CHIC2: variants seen among roughly 807,000 people sequenced by gnomAD.
The protein encoded by CHIC2 is cysteine-rich hydrophobic domain-containing protein 2.
CHIC2 carries 14 observed loss-of-function variants against 25.9 expected under a neutral mutation model. The observed-to-expected ratio is 0.54, with a 90% CI of 0.36 to 0.85. The LOEUF (loss-of-function observed/expected upper bound fraction) is 0.85, where lower values mean the gene tolerates loss of function less well. CHIC2 is among the 40% of genes least tolerant of loss of function. The pLI is 0.01. For missense variants in CHIC2, 146 were observed against 202.0 expected (o/e 0.72, Z 1.68); for synonymous variants, 70 against 72.0 (o/e 0.97, Z 0.14).
the CHIC2 span, among the ~76,000 whole-genome samples, chr4:54,074,251 T>A: frequency 6.6e-6 from 1 of 152,194 alleles, no homozygotes; most frequent in Non-Finnish European, 1.5e-5. Flanking sequence ...CTCTGTTAAG[T>A]GCCATACTTA....
At chr4:54,035,062 C>CAA (rs1489677698) in intron 3 of CHIC2, among the ~76,000 whole-genome samples, 2 of 152,106 alleles carry the variant, frequency 1.3e-5, no homozygotes, top group Non-Finnish European at 2.9e-5. Context: ...TTAAACCAAC[C>CAA]TTACTTACCT....
intron 3 of CHIC2, among the ~76,000 whole-genome samples, chr4:54,045,305 C>G (rs1040833741): frequency 1.3e-5 from 2 of 152,104 alleles, no homozygotes; most frequent in African/African-American, 4.8e-5. Flanking sequence ...TTTATGAGGC[C>G]AGCATCATCC....
chr4:54,020,469 CAA>C (rs780058607), intron 3 of CHIC2, among the ~76,000 whole-genome samples: 3 of 152,192 alleles, frequency 2.0e-5, no homozygotes, highest in Non-Finnish European at 2.9e-5. Flanking sequence ...CTTGCTCACA[CAA>C]AGTTTGTTTG....
intron 3 of CHIC2, among the ~76,000 whole-genome samples, chr4:54,035,344 C>T (rs911229580): frequency 6.6e-6 from 1 of 152,122 alleles, no homozygotes; most frequent in Non-Finnish European, 1.5e-5. Flanking sequence ...TGTAAGAATA[C>T]ACCAGTAAAG....
chr4:54,023,453 G>A (rs11935512), intron 3 of CHIC2, among the ~76,000 whole-genome samples: 59,820 of 151,688 alleles, frequency 0.39, 12,838 homozygotes, highest in African/African-American at 0.56. Flanking sequence ...TCACTCTTTG[G>A]GTCTCCCACA....
chr4:54,072,251 G>A, the CHIC2 span, among the ~76,000 whole-genome samples: 32 of 151,508 alleles, frequency 2.1e-4, no homozygotes, highest in African/African-American at 6.5e-4. Flanking sequence ...GCAGTGAGCC[G>A]AGATTGCGCC....
chr4:54,069,641 G>T, the CHIC2 span, among the ~76,000 whole-genome samples: 1 of 152,182 alleles, frequency 6.6e-6, no homozygotes, highest in East Asian at 1.9e-4. Context: ...AGCTAACTAG[G>T]AGCTGCCAGC....
intron 1 of CHIC2, among the ~76,000 whole-genome samples, chr4:54,058,561 C>CACACACACACACACACAT (rs1717244534): frequency 1.4e-5 from 1 of 70,662 alleles, no homozygotes. Context: ...CACACACATA[C>CACACACACACACACACAT]ACACACACAC....
intron 3 of CHIC2, among the ~76,000 whole-genome samples, chr4:54,041,352 T>C (rs1716572410): frequency 6.6e-6 from 1 of 152,138 alleles, no homozygotes; most frequent in African/African-American, 2.4e-5. Context: ...CAATTTTTTA[T>C]ACTCATGCCT....
rs147222017 is a variant in CHIC2, at chr4:54,050,758, G to A, written c.120-1453C>T. 1.9e-4 allele frequency among the ~76,000 whole-genome samples: 29 copies of A among 152,182 alleles called. No homozygotes were observed. In the East Asian group the frequency reaches 5.6e-3, roughly 29 times the overall value. ...GGGCTATACCATATAGCCTAGATGTGTAGTAGGCTACACCATTTTAAGTTT... is the reference window on the plus strand; with the variant it reads ...GGGCTATACCATATAGCCTAGATGTATAGTAGGCTACACCATTTTAAGTTT... On this transcript the variant is annotated intron_variant, in intron 1 of 5. Transcript: ENST00000263921.
At chr4:54,031,945 A>G (rs538005449) in intron 3 of CHIC2, among the ~76,000 whole-genome samples, 1 of 151,898 alleles carries the variant, frequency 6.6e-6, no homozygotes, top group South Asian at 2.1e-4. Flanking sequence ...TTAAAACAAC[A>G]CTACAAAGAA....
chr4:54,015,969 A>C (rs1715727154), intron 3 of CHIC2, among the ~76,000 whole-genome samples: 1 of 152,226 alleles, frequency 6.6e-6, no homozygotes, highest in Non-Finnish European at 1.5e-5. Flanking sequence ...TACTCTGAGC[A>C]GGCATCTGCC....
intron 5 of CHIC2, among the ~76,000 whole-genome samples, chr4:54,010,530 T>G (rs1223285167): frequency 3.3e-5 from 5 of 152,098 alleles, no homozygotes; most frequent in South Asian, 2.1e-4. Context: ...GTATACCAGG[T>G]GTTCCATACT....
upstream of CHIC2, chr4:54,064,634 G>GGAGCAGCCGGCTACGGCATCGC (rs1335288370): frequency 5.5e-6 from 6 of 1,083,424 alleles, no homozygotes; most frequent in East Asian, 2.5e-4. The surrounding 1 kb of genome is among the most constrained non-coding windows in gnomAD (Gnocchi z 4.2). Context: ...ACCCGCAGCG[G>GGAGCAGCCGGCTACGGCATCGC]GAGCAGCCGG....
upstream of CHIC2, among the ~76,000 whole-genome samples, chr4:54,069,081 CAG>C (rs1717569915): frequency 1.3e-5 from 2 of 152,282 alleles, no homozygotes; most frequent in South Asian, 4.1e-4. Context: ...TTTATTGAGA[CAG>C]AGGTACAATC....
At chr4:54,086,011 TAG>T in the CHIC2 span, among the ~76,000 whole-genome samples, 110 of 152,190 alleles carry the variant, frequency 7.2e-4, no homozygotes, top group Middle Eastern at 6.8e-3. Flanking sequence ...CATAACTGGT[TAG>T]AGTCTTTATA....
the CHIC2 span, among the ~76,000 whole-genome samples, chr4:54,074,019 A>G: frequency 7.2e-5 from 11 of 152,012 alleles, no homozygotes; most frequent in Non-Finnish European, 1.5e-5. Flanking sequence ...TTAGCCGGGC[A>G]TGGTGGTGCA....
intron 3 of CHIC2, among the ~76,000 whole-genome samples, chr4:54,041,813 T>C (rs1716586495): frequency 6.6e-6 from 1 of 151,980 alleles, no homozygotes; most frequent in Non-Finnish European, 1.5e-5. Flanking sequence ...AATAAAACGT[T>C]AAAAATCCCT....
intron 3 of CHIC2, among the ~76,000 whole-genome samples, chr4:54,027,311 A>C (rs926064091): frequency 2.5e-4 from 38 of 152,326 alleles, no homozygotes; most frequent in African/African-American, 8.9e-4. Flanking sequence ...GCATTCTAGC[A>C]TATCTTTACA....
Sources: gnomAD v4.1 joint callset for allele counts (sites outside exome capture counted in the v4.1 genomes callset) on GRCh38, gnomAD v4.1.1 for gene constraint, Gnocchi (gnomAD v3.1) non-coding constraint, MANE v1.5 for transcripts, NCBI Gene and HGNC (gene_info 2026-07-23, HGNC 2026-07-21) for gene names.